Variants in WDFY3 observed in about 807,000 individuals in gnomAD.
The protein encoded by WDFY3 is WD repeat and FYVE domain containing 3, also known as WD repeat and FYVE domain-containing protein 3.
WDFY3 carries 66 observed loss-of-function variants against 409.6 expected under a neutral mutation model. The observed-to-expected ratio is 0.16, with a 90% CI of 0.13 to 0.20. The LOEUF is 0.20. Among genes scored for constraint, WDFY3 ranks in the 10% least tolerant of loss-of-function variants. The pLI is 1.00. For missense variants in WDFY3, 3,031 were observed against 4,298.1 expected (o/e 0.71, Z 8.24); for synonymous variants, 1,521 against 1,537.1 (o/e 0.99, Z 0.25).
rs760699888 is a variant in WDFY3 at position 84,733,405 on chromosome 4, T to C, written c.7198A>G (p.Thr2400Ala). 8.1e-6 allele frequency: 13 copies of C among 1,614,092 alleles called. No homozygotes were observed. In the African/African-American group the frequency reaches 1.6e-4, roughly 20 times the overall value. Residue 2400 changes from threonine to alanine, a missense_variant, in exon 44 of 68, where the codon ACT becomes GCT. Coordinates refer to ENST00000295888, the MANE Select transcript of WDFY3 (RefSeq NM_014991.6). Reference sequence around the variant, plus strand: ...ACCGCCACATTTGTCTCTTGCTCAGTTTCTGGCACGTAAGGGTAATGGTTA... The same window carrying C: ...ACCGCCACATTTGTCTCTTGCTCAGCTTCTGGCACGTAAGGGTAATGGTTA... ...FYNHYPYVPE[T>A]EQETNVASEI...
At chr4:84,867,784 A>G (rs1267042863) in intron 3 of WDFY3, among the ~76,000 whole-genome samples, 2 of 152,330 alleles carry the variant, frequency 1.3e-5, no homozygotes, top group East Asian at 3.9e-4. Flanking sequence ...CTTTAATTAT[A>G]TAAGCGAAGA....
At chr4:84,963,046 T>C (rs1775114234) in intron 1 of WDFY3, among the ~76,000 whole-genome samples, 1 of 151,662 alleles carries the variant, frequency 6.6e-6, no homozygotes, top group African/African-American at 2.4e-5. Flanking sequence ...GATTTATCAG[T>C]GTAAATATCA....
Position 84,789,669 on chromosome 4 carries a change from ACC to A in WDFY3, c.3669+55_3669+56del, listed in dbSNP as rs1491329454. On this transcript the variant is annotated intron_variant, in intron 22 of 67. Transcript: ENST00000295888. ...CACACACACACACACACACACACAC[ACC>A]CCCCAAACTACTACCTTATAAAACA... is the stretch of plus-strand genomic sequence containing the variant. 0.19 allele frequency: 189,877 copies of A among 1,008,522 alleles called. 19,972 individuals carry two copies. Among genetic ancestry groups the A allele is most frequent in the East Asian group, 0.35 (10,100 of 28,626 alleles). The allele number at this position is 1,008,522 out of a possible 1,614,324, so 62.5% of individuals were successfully genotyped here. A position where few individuals can be genotyped will look rare whatever the true frequency, so the allele number is the denominator to read the frequency against.
chr4:84,909,289 A>G (rs920728329), intron 2 of WDFY3, among the ~76,000 whole-genome samples: 14 of 152,250 alleles, frequency 9.2e-5, no homozygotes, highest in African/African-American at 2.6e-4. Flanking sequence ...TGCTTTCTTG[A>G]CAGATTTTTG....
At chr4:84,736,348 ATTATT>A in intron 41 of WDFY3, 21 bp from the exon 42 acceptor site, 1 of 1,565,294 alleles carries the variant, frequency 6.4e-7, no homozygotes, top group South Asian at 1.2e-5. Context: ...ATCAAATTAG[ATTATT>A]TTATAATTTC....
At position 84,841,172 on chromosome 4, in the gene WDFY3, C is replaced by A; in HGVS notation, c.396G>T (p.Leu132Phe). The change falls in exon 6 of 68, where the codon TTG (leucine) becomes TTT (phenylalanine). Residue 132 changes from leucine (L) to phenylalanine (F), a missense_variant. Transcript: ENST00000295888. ...RGWMLLTTIN[L>F]LASSGQKTVD... Reference sequence around the variant, plus strand: ...AACTTACCTGACCAGAGGAAGCTAACAAATTAATTGTCGTTAGAAGCATCC... The same window carrying A: ...AACTTACCTGACCAGAGGAAGCTAAAAAATTAATTGTCGTTAGAAGCATCC... 6.2e-7 allele frequency: 1 copy of A among 1,609,722 alleles called. No homozygotes were observed. Among genetic ancestry groups the A allele is most frequent in the Non-Finnish European group, 8.5e-7 (1 of 1,179,188 alleles).
chr4:84,751,450 A>G, intron 36 of WDFY3, 33 bp downstream of exon 36: 1 of 1,604,048 alleles, frequency 6.2e-7, no homozygotes, highest in Non-Finnish European at 8.5e-7. Flanking sequence ...AAAGTAATGC[A>G]AAAGAGATGT....
chr4:84,964,647 C>T (rs1775394862), intron 1 of WDFY3, among the ~76,000 whole-genome samples: 1 of 152,152 alleles, frequency 6.6e-6, no homozygotes, highest in East Asian at 1.9e-4. Flanking sequence ...TATTTTCTAA[C>T]TTATCCCTCC....
intron 1 of WDFY3, among the ~76,000 whole-genome samples, chr4:84,956,795 A>G (rs1774289658): frequency 6.6e-6 from 1 of 152,160 alleles, no homozygotes; most frequent in African/African-American, 2.4e-5. Flanking sequence ...TTGGATCAGC[A>G]TAATGATAAA....
At chr4:84,798,198 C>A in intron 17 of WDFY3, 90 bp from the exon 18 acceptor site, 1 of 1,114,430 alleles carries the variant, frequency 9.0e-7, no homozygotes, top group South Asian at 1.6e-5. Flanking sequence ...TTAATAAATT[C>A]CAACAGACTA....
At chr4:84,787,271 C>A (rs533851417) in intron 23 of WDFY3, among the ~76,000 whole-genome samples, 1 of 152,032 alleles carries the variant, frequency 6.6e-6, no homozygotes, top group South Asian at 2.1e-4. Flanking sequence ...GGATAATAAG[C>A]GATCAGACAT....
At position 84,708,936 on chromosome 4, in the gene WDFY3, G is replaced by A. The variant is rs1450890790; in HGVS notation, c.8190C>T (p.Pro2730=). The A allele has an allele frequency of 6.2e-7, 1 of 1,613,950 alleles. No homozygotes were observed. ...YNDLMQYPVF[P]WILADYDSEE... ...CTGAGTCATAATCTGCAAGGATCCA[G>A]GGGAAGACAGGATACTGCATGAGAT... The change falls in exon 53 of 68, where the codon CCC becomes CCT. Residue 2730 remains proline, a synonymous_variant. Coordinates refer to ENST00000295888, the MANE Select transcript of WDFY3 (RefSeq NM_014991.6).
At chr4:84,912,302 A>G (rs1004179791) in intron 2 of WDFY3, among the ~76,000 whole-genome samples, 1 of 152,318 alleles carries the variant, frequency 6.6e-6, no homozygotes, top group Non-Finnish European at 1.5e-5. Context: ...AGAAAAACAA[A>G]TCTAGCATTA....
intron 38 of WDFY3, 74 bp downstream of exon 38, chr4:84,741,687 A>C (rs1416733048): frequency 2.1e-6 from 3 of 1,406,356 alleles, no homozygotes; most frequent in Non-Finnish European, 2.9e-6. Flanking sequence ...AGTTATATTT[A>C]ATTTCAACAA....
At chr4:84,860,043 T>G (rs1760378474) in intron 4 of WDFY3, among the ~76,000 whole-genome samples, 1 of 152,216 alleles carries the variant, frequency 6.6e-6, no homozygotes, top group African/African-American at 2.4e-5. Flanking sequence ...ACAAAGGGCT[T>G]GGGCAGTTGC....
chr4:84,843,892 C>T (rs1757721770), intron 5 of WDFY3, among the ~76,000 whole-genome samples: 1 of 152,002 alleles, frequency 6.6e-6, no homozygotes, highest in African/African-American at 2.4e-5. Context: ...CTTTTAATTT[C>T]AATAATATTT....
intron 3 of WDFY3, among the ~76,000 whole-genome samples, chr4:84,870,457 T>C (rs1392845347): frequency 2.0e-5 from 3 of 152,052 alleles, no homozygotes; most frequent in South Asian, 2.1e-4. Flanking sequence ...CTGGTGGTGG[T>C]TGAAAGTGGA....
intron 58 of WDFY3, among the ~76,000 whole-genome samples, chr4:84,693,261 T>C (rs907275691): frequency 6.6e-6 from 1 of 152,224 alleles, no homozygotes; most frequent in African/African-American, 2.4e-5. Context: ...GCATGGGCTA[T>C]TGTCTTGTTC....
At chr4:84,858,668 AT>A (rs1760105941) in intron 4 of WDFY3, among the ~76,000 whole-genome samples, 2 of 152,024 alleles carry the variant, frequency 1.3e-5, no homozygotes, top group African/African-American at 2.4e-5. Flanking sequence ...TTTCAAAATA[AT>A]GAGAAGAGGA....
Sources: allele counts gnomAD v4.1 joint callset (sites outside exome capture counted in the v4.1 genomes callset), GRCh38; gene constraint gnomAD v4.1.1; transcripts MANE v1.5; gene names NCBI Gene and HGNC (gene_info 2026-07-23, HGNC 2026-07-21).